RIT2: variants seen among roughly 807,000 people sequenced by gnomAD.
RIT2 encodes Ras like without CAAX 2.
A neutral mutation model predicts 23.7 loss-of-function variants in RIT2; 24 were observed. The ratio of observed to expected loss-of-function variants is 1.01; its 90% CI spans 0.73 to 1.43. RIT2 has a LOEUF of 1.43. RIT2 is among the 40% of genes most tolerant of loss of function. The pLI, the probability that RIT2 is intolerant of heterozygous loss-of-function variation, is 0.00. For missense variants in RIT2, 236 were observed against 266.9 expected (o/e 0.88, Z 0.81); for synonymous variants, 107 against 91.1 (o/e 1.17, Z -0.99).
intron 4 of RIT2, among the ~76,000 whole-genome samples, chr18:42,750,301 T>C (rs1913016437): frequency 6.6e-6 from 1 of 151,784 alleles, no homozygotes; most frequent in Admixed American, 6.6e-5. Context: ...TAGTGTTTCT[T>C]TGGAAGGAGA....
intron 1 of RIT2, among the ~76,000 whole-genome samples, chr18:43,095,704 G>A (rs566117249): frequency 6.6e-6 from 1 of 152,020 alleles, no homozygotes; most frequent in Admixed American, 6.6e-5. Context: ...CTTATCTGCA[G>A]TATAACTGCA....
intron 3 of RIT2, among the ~76,000 whole-genome samples, chr18:42,952,225 A>G (rs1051771161): frequency 4.6e-5 from 7 of 152,162 alleles, no homozygotes; most frequent in Non-Finnish European, 1.0e-4. Flanking sequence ...CCTGCCATTT[A>G]TAACACTATG....
chr18:42,906,809 C>A (rs1462402281), intron 4 of RIT2, among the ~76,000 whole-genome samples: 2 of 152,108 alleles, frequency 1.3e-5, no homozygotes, highest in Non-Finnish European at 2.9e-5. Context: ...ATTAAGAGAA[C>A]CAGTAATGAA....
intron 3 of RIT2, among the ~76,000 whole-genome samples, chr18:42,925,203 A>T (rs1442624873): frequency 1.3e-5 from 2 of 152,060 alleles, no homozygotes; most frequent in Non-Finnish European, 2.9e-5. Flanking sequence ...TATGGGAGAA[A>T]AAATATTCTA....
At chr18:42,868,851 CT>C (rs1266472298) in intron 4 of RIT2, among the ~76,000 whole-genome samples, 1 of 152,066 alleles carries the variant, frequency 6.6e-6, no homozygotes, top group East Asian at 1.9e-4. Flanking sequence ...CCTCAATGGC[CT>C]TTTTTTCCCC....
intron 2 of RIT2, among the ~76,000 whole-genome samples, chr18:43,029,437 TA>T (rs1397674604): frequency 6.6e-6 from 1 of 152,074 alleles, no homozygotes; most frequent in Non-Finnish European, 1.5e-5. Context: ...GCTCAGTTGT[TA>T]AAGCTGTTTT....
At chr18:43,049,097 A>T (rs2144306514) in intron 1 of RIT2, among the ~76,000 whole-genome samples, 1 of 152,232 alleles carries the variant, frequency 6.6e-6, no homozygotes, top group Non-Finnish European at 1.5e-5. Context: ...TGGCACTCCA[A>T]CTCTCTGGAG....
intron 1 of RIT2, among the ~76,000 whole-genome samples, chr18:43,052,645 C>T (rs1057481672): frequency 6.6e-6 from 1 of 152,006 alleles, no homozygotes; most frequent in Non-Finnish European, 1.5e-5. Flanking sequence ...GACATTGCCC[C>T]AGTCATGTCT....
At chr18:42,893,444 G>A (rs915574026) in intron 4 of RIT2, among the ~76,000 whole-genome samples, 19 of 152,040 alleles carry the variant, frequency 1.2e-4, no homozygotes, top group African/African-American at 4.3e-4. Context: ...AGGCAGAAGG[G>A]GTGAACAGCT....
intron 1 of RIT2, among the ~76,000 whole-genome samples, chr18:43,082,547 A>G (rs2144349404): frequency 6.6e-6 from 1 of 152,338 alleles, no homozygotes; most frequent in African/African-American, 2.4e-5. Context: ...AGTCAACGCC[A>G]TCCCTGGGAT....
At chr18:42,978,675 G>C (rs1910528094) in intron 2 of RIT2, among the ~76,000 whole-genome samples, 1 of 152,048 alleles carries the variant, frequency 6.6e-6, no homozygotes, top group Admixed American at 6.6e-5. Context: ...CTGCATTCTT[G>C]GAGGCATCCA....
chr18:42,879,764 G>A (rs962326409), intron 4 of RIT2, among the ~76,000 whole-genome samples: 32 of 152,154 alleles, frequency 2.1e-4, no homozygotes, highest in African/African-American at 7.0e-4. Flanking sequence ...TAAAAGTGAA[G>A]CATTAAAAAA....
intron 3 of RIT2, among the ~76,000 whole-genome samples, chr18:42,957,425 T>C (rs561242304): frequency 6.6e-6 from 1 of 152,312 alleles, no homozygotes; most frequent in East Asian, 1.9e-4. Flanking sequence ...ATGGTTAACA[T>C]ATCATTTCAA....
At chr18:42,877,089 T>G (rs1292332075) in intron 4 of RIT2, among the ~76,000 whole-genome samples, 1 of 151,846 alleles carries the variant, frequency 6.6e-6, no homozygotes, top group African/African-American at 2.4e-5. Flanking sequence ...TTGAGAAATA[T>G]CATTTTTATA....
chr18:42,820,623 G>A (rs189257355), intron 4 of RIT2, among the ~76,000 whole-genome samples: 140 of 152,252 alleles, frequency 9.2e-4, no homozygotes, highest in African/African-American at 2.8e-3. Flanking sequence ...TGTACTGAAA[G>A]TCACCAAGCC....
intron 4 of RIT2, among the ~76,000 whole-genome samples, chr18:42,815,584 C>T (rs1905971731): frequency 6.6e-6 from 1 of 152,096 alleles, no homozygotes; most frequent in Non-Finnish European, 1.5e-5. Flanking sequence ...TATCTATATA[C>T]AGTATGTATG....
chr18:42,773,458 C>T (rs1043262702), intron 4 of RIT2, among the ~76,000 whole-genome samples: 6 of 152,026 alleles, frequency 3.9e-5, no homozygotes, highest in East Asian at 1.9e-4. Context: ...TGGGTGTGGT[C>T]GACTAGGTTT....
rs1402587303 is a variant in RIT2, at chr18:42,974,059, A to G, written c.234+15T>C. 1 of 1,592,050 alleles carries G rather than the reference A, an allele frequency of 6.3e-7. No individual in the cohort carries two copies. Among genetic ancestry groups the G allele is most frequent in the South Asian group, 1.1e-5 (1 of 90,220 alleles). On this transcript the variant is annotated intron_variant, in intron 3 of 4. Coordinates refer to ENST00000326695, the MANE Select transcript of RIT2 (RefSeq NM_002930.4). Reference sequence around the variant, plus strand: ...ATAAACTCAGAGATTGGAGAGGTTTAAGAACATCACCTACCTGGCCAGCAG... The same window carrying G: ...ATAAACTCAGAGATTGGAGAGGTTTGAGAACATCACCTACCTGGCCAGCAG...
intron 1 of RIT2, among the ~76,000 whole-genome samples, chr18:43,084,345 G>T (rs950247433): frequency 6.6e-5 from 10 of 152,080 alleles, no homozygotes; most frequent in African/African-American, 2.2e-4. Context: ...CAAGGATCTG[G>T]AACCAGAAAT....
Sources: allele counts gnomAD v4.1 joint callset (sites outside exome capture counted in the v4.1 genomes callset), GRCh38; gene constraint gnomAD v4.1.1; transcripts MANE v1.5; gene names NCBI Gene and HGNC (gene_info 2026-07-23, HGNC 2026-07-21).